The following PPP1CB variants were observed in gnomAD, a reference collection of about 807,000 sequenced individuals.
PPP1CB encodes the protein serine/threonine-protein phosphatase PP1-beta catalytic subunit.
PPP1CB carries 2 observed loss-of-function variants against 43.7 expected under a neutral mutation model. That is an observed-to-expected ratio of 0.05 (90% CI 0.02 to 0.14). The LOEUF (loss-of-function observed/expected upper bound fraction) is 0.14, where lower values mean the gene tolerates loss of function less well. Among genes scored for constraint, PPP1CB ranks in the 10% least tolerant of loss-of-function variants. The pLI is 1.00. For synonymous variants in PPP1CB, 136 were observed against 135.6 expected (o/e 1.00, Z -0.02); for missense variants, 84 against 398.0 (o/e 0.21, Z 6.71).
intron 1 of PPP1CB, among the ~76,000 whole-genome samples, chr2:28,765,345 C>T (rs1031715921): frequency 6.6e-6 from 1 of 152,188 alleles, no homozygotes; most frequent in Non-Finnish European, 1.5e-5. Context: ...TACACAGGGA[C>T]ATACTGCATA....
At chr2:28,753,016 T>C (rs977996321) in intron 1 of PPP1CB, among the ~76,000 whole-genome samples, 7 of 152,188 alleles carry the variant, frequency 4.6e-5, no homozygotes, top group Admixed American at 2.6e-4. Context: ...AATAGTTTTA[T>C]GTTGGTGGGA....
intron 7 of PPP1CB, among the ~76,000 whole-genome samples, chr2:28,798,527 G>A (rs1213998080): frequency 2.6e-5 from 4 of 152,098 alleles, no homozygotes. Context: ...AAAAAGGAAT[G>A]AAGGACTGAT....
chr2:28,765,017 C>G (rs1361057180), intron 1 of PPP1CB, among the ~76,000 whole-genome samples: 1 of 152,050 alleles, frequency 6.6e-6, no homozygotes, highest in Non-Finnish European at 1.5e-5. Context: ...TAAGTAAGAA[C>G]TTGCTGGGGA....
rs1235092514 is a variant in PPP1CB at position 28,751,956 on chromosome 2, C to T, written c.-169C>T. 19 of 663,354 alleles carry T rather than the reference C, an allele frequency of 2.9e-5. No homozygotes were observed. The highest frequency in any genetic ancestry group is 3.2e-4 in the Middle Eastern group (1 of 3,140). 41.1% of individuals were successfully genotyped at this position (663,354 alleles called of 1,614,324 possible). Reference sequence around the variant, plus strand: ...GCCTCCGAGTGTGCGCGCGCTCTCGCTACCCGGCGGGGAGGGGGTGGGGGG... The same window carrying T: ...GCCTCCGAGTGTGCGCGCGCTCTCGTTACCCGGCGGGGAGGGGGTGGGGGG... On this transcript the variant is annotated 5_prime_UTR_variant, in exon 1 of 8. Coordinates refer to ENST00000395366, the MANE Select transcript of PPP1CB (RefSeq NM_002709.3).
chr2:28,796,708 C>A (rs1323644527), intron 7 of PPP1CB, among the ~76,000 whole-genome samples: 1 of 152,120 alleles, frequency 6.6e-6, no homozygotes, highest in Non-Finnish European at 1.5e-5. Flanking sequence ...TGTATAGAAT[C>A]ATTATCGTCA....
intron 6 of PPP1CB, among the ~76,000 whole-genome samples, chr2:28,790,598 C>T (rs1249862236): frequency 6.6e-6 from 1 of 152,150 alleles, no homozygotes; most frequent in Non-Finnish European, 1.5e-5. Flanking sequence ...CCTCAGCCTC[C>T]CAAAGTGCTG....
chr2:28,751,694 C>A, upstream of PPP1CB: 2 of 214,442 alleles, frequency 9.3e-6, no homozygotes, highest in South Asian at 1.1e-4. Context: ...TGCGCGGCGG[C>A]CCAGGCGTCG....
chr2:28,754,543 T>C (rs1394308838), intron 1 of PPP1CB, among the ~76,000 whole-genome samples: 3 of 152,196 alleles, frequency 2.0e-5, no homozygotes, highest in Admixed American at 6.5e-5. Flanking sequence ...TCAGCACACA[T>C]TCTATCAGTA....
chr2:28,779,599 A>C (rs189396413), intron 3 of PPP1CB, among the ~76,000 whole-genome samples: 130 of 152,344 alleles, frequency 8.5e-4, no homozygotes, highest in Non-Finnish European at 1.4e-3. Context: ...TATTATTAAA[A>C]TACCCTACTA....
chr2:28,770,966 C>A (rs1320700281), intron 1 of PPP1CB, among the ~76,000 whole-genome samples: 7 of 151,286 alleles, frequency 4.6e-5, no homozygotes, highest in African/African-American at 1.5e-4. Context: ...AGGAGAGATA[C>A]CATATTTGTG....
rs560773559 is a variant in PPP1CB at position 28,755,814 on chromosome 2, C to G, written c.52+3638C>G. ...TAAGAGTGCCAGCTCTGTTCCCAAC[C>G]ACAGTCTTGATCCAGGTATTTAAAA... On this transcript the variant is annotated intron_variant, in intron 1 of 7. Coordinates refer to ENST00000395366, the MANE Select transcript of PPP1CB (RefSeq NM_002709.3). Among the ~76,000 whole-genome samples, 9 of 152,272 alleles carry G rather than the reference C, an allele frequency of 5.9e-5. No individual in the cohort carries two copies. The East Asian group carries it at 1.7e-3, about 29-fold the overall frequency.
intron 7 of PPP1CB, among the ~76,000 whole-genome samples, chr2:28,797,026 A>G (rs528256021): frequency 6.6e-6 from 1 of 152,230 alleles, no homozygotes; most frequent in Admixed American, 6.5e-5. Context: ...TTCTGCATCT[A>G]TTGAGATGAT....
intron 5 of PPP1CB, among the ~76,000 whole-genome samples, chr2:28,785,066 T>TTTTTTTTTTTTTTTTTTTTG (rs1667235818): frequency 2.2e-5 from 1 of 44,634 alleles, no homozygotes; most frequent in Non-Finnish European, 4.4e-5. Context: ...TGTTAGGAGC[T>TTTTTTTTTTTTTTTTTTTTG]TTTTTTTTTT....
chr2:28,776,292 C>T lies in PPP1CB; in HGVS notation c.53-559C>T, dbSNP rs559266845. On this transcript the variant is annotated intron_variant, in intron 1 of 7. Coordinates refer to ENST00000395366, the MANE Select transcript of PPP1CB (RefSeq NM_002709.3). ...TTTTTTTTTATTTGAGACGGAGTCT[C>T]GCTCTTGTTGCCCAGGCTGGAGTGC... Among the ~76,000 whole-genome samples, 567 of 151,388 alleles carry T rather than the reference C, an allele frequency of 3.7e-3. 3 individuals are homozygous for T. The highest frequency in any genetic ancestry group is 0.013 in the African/African-American group (523 of 41,202).
chr2:28,781,912 A>G (rs1393169003), intron 4 of PPP1CB, 70 bp downstream of exon 4: 6 of 1,064,584 alleles, frequency 5.6e-6, no homozygotes, highest in Non-Finnish European at 8.7e-6. Context: ...ATAATAATCA[A>G]GAGGCTGTGG....
At chr2:28,751,654 C>A (rs1365304789), upstream of PPP1CB, 1 of 181,060 alleles carries the variant, frequency 5.5e-6, no homozygotes, top group African/African-American at 2.4e-5. Context: ...TGCGCGAAGA[C>A]GGCAGCGGGA....
rs529596023 is a variant in PPP1CB at position 28,773,229 on chromosome 2, T to C, written c.53-3622T>C. On this transcript the variant is annotated intron_variant, in intron 1 of 7. Transcript: ENST00000395366. ...ATTTTCTAAACAGTAGTAAGTATGG[T>C]AGATATTTGCTATCATGGGATTTTA... is the stretch of plus-strand genomic sequence containing the variant. 3.5e-3 allele frequency among the ~76,000 whole-genome samples: 534 copies of C among 152,342 alleles called. 3 individuals are homozygous for C. The highest frequency in any genetic ancestry group is 0.012 in the African/African-American group (491 of 41,586).
At chr2:28,786,046 A>T (rs1359571545) in intron 5 of PPP1CB, among the ~76,000 whole-genome samples, 1 of 152,180 alleles carries the variant, frequency 6.6e-6, no homozygotes, top group Non-Finnish European at 1.5e-5. Context: ...AATTTAATTT[A>T]TAAGTTAATA....
At chr2:28,752,644 G>C (rs1183175142) in intron 1 of PPP1CB, among the ~76,000 whole-genome samples, 2 of 151,996 alleles carry the variant, frequency 1.3e-5, no homozygotes, top group African/African-American at 4.8e-5. Context: ...TGAATTTTAC[G>C]TATATATATA....
Sources: gnomAD v4.1 joint callset for allele counts (sites outside exome capture counted in the v4.1 genomes callset) on GRCh38, gnomAD v4.1.1 for gene constraint, MANE v1.5 for transcripts, NCBI Gene and HGNC (gene_info 2026-07-23, HGNC 2026-07-21) for gene names.